Variants in CEACAM3 observed in about 807,000 individuals in gnomAD.
CEACAM3 encodes the protein CEA cell adhesion molecule 3.
Under a neutral mutation model 30.1 loss-of-function variants are expected in CEACAM3, and 32 were observed. The ratio of observed to expected loss-of-function variants is 1.06; its 90% confidence interval spans 0.80 to 1.43. CEACAM3 has a LOEUF of 1.43. Among genes scored for constraint, CEACAM3 ranks in the 40% most tolerant of loss-of-function variants. The pLI is 0.00. For missense variants in CEACAM3, 290 were observed against 316.3 expected (o/e 0.92, Z 0.63); for synonymous variants, 134 against 127.2 (o/e 1.05, Z -0.36).
chr19:41,807,491 C>T (rs1469099539), intron 2 of CEACAM3: 9 of 1,404,858 alleles, frequency 6.4e-6, no homozygotes, highest in African/African-American at 1.4e-5. Context: ...AGACTCTCAC[C>T]CAGGCTGGCC....
chr19:41,800,528 A>G (rs1426436180), intron 2 of CEACAM3, among the ~76,000 whole-genome samples: 8 of 152,246 alleles, frequency 5.3e-5, no homozygotes, highest in Admixed American at 1.3e-4. Flanking sequence ...CCGTCTCCCT[A>G]TGATGCTGTG....
chr19:41,801,907 C>T (rs976256498), intron 2 of CEACAM3, among the ~76,000 whole-genome samples: 6 of 152,160 alleles, frequency 3.9e-5, no homozygotes, highest in Non-Finnish European at 7.3e-5. Flanking sequence ...CGTAATGTTT[C>T]ATTAGTTTAC....
At chr19:41,800,971 G>A (rs537384624) in intron 2 of CEACAM3, among the ~76,000 whole-genome samples, 2 of 151,896 alleles carry the variant, frequency 1.3e-5, no homozygotes, top group African/African-American at 4.8e-5. Context: ...GAGACCCACC[G>A]ACCCTGTGGG....
At chr19:41,801,338 C>T (rs1384467968) in intron 2 of CEACAM3, among the ~76,000 whole-genome samples, 6 of 152,188 alleles carry the variant, frequency 3.9e-5, no homozygotes, top group South Asian at 2.1e-4. Flanking sequence ...ACCAGGAGAA[C>T]GAGCTTCCAC....
In CEACAM3 at chr19:41,809,696, T is replaced by A. The variant is rs2073232975; in HGVS notation, c.543-269T>A. On this transcript the variant is annotated intron_variant, in intron 3 of 6. Transcript: ENST00000357396. ...CTCGTGGTCTGTTTCCTTCCTTGGG[T>A]CCTCAGTCCCTTTCCTGGGTCCCTG... 7.9e-6 allele frequency: 3 copies of A among 378,144 alleles called. No individual in the cohort carries two copies. The South Asian group carries it at 1.2e-4, about 15-fold the overall frequency. The allele number at this position is 378,144 out of a possible 1,614,324, so 23.4% of individuals were successfully genotyped here. A position where few individuals can be genotyped will look rare whatever the true frequency, so the allele number is the denominator to read the frequency against.
chr19:41,796,851 C>CT, intron 1 of CEACAM3, 110 bp downstream of exon 1: 16 of 1,161,724 alleles, frequency 1.4e-5, no homozygotes, highest in Non-Finnish European at 1.9e-5. Flanking sequence ...CTGCTGAAGC[C>CT]TCAGGGGAGA....
Position 41,811,163 on chromosome 19 carries a change from T to C in CEACAM3, c.694-9T>C. The C allele has an allele frequency of 6.2e-7, 1 of 1,614,018 alleles. No homozygotes were observed. On this transcript the variant is annotated splice_polypyrimidine_tract_variant and intron_variant, in intron 6 of 6. Coordinates refer to ENST00000357396, the MANE Select transcript of CEACAM3 (RefSeq NM_001815.5). ...TAGAGGGGTCCAGGCCTCTTCTCTG[T>C]TTTAACAGGAATTGCTAAAACATGA...
chr19:41,810,063 G>GC (rs782651069), intron 4 of CEACAM3, 46 bp downstream of exon 4: 1 of 1,571,308 alleles, frequency 6.4e-7, no homozygotes, highest in South Asian at 1.1e-5. Flanking sequence ...CCCTAGGACA[G>GC]CCCCACAGTG....
intron 2 of CEACAM3, among the ~76,000 whole-genome samples, chr19:41,799,972 C>T (rs1447588238): frequency 1.3e-5 from 2 of 152,086 alleles, no homozygotes; most frequent in Admixed American, 1.3e-4. Context: ...TTTCAGGTCT[C>T]CCTGGTCCTG....
chr19:41,808,773 G>A, intron 2 of CEACAM3, 40 bp from the exon 3 acceptor site: 1 of 1,548,698 alleles, frequency 6.5e-7, no homozygotes, highest in Non-Finnish European at 8.9e-7. Flanking sequence ...CTCTGGGATA[G>A]ACTTGGGCCT....
At chr19:41,796,771 G>A in intron 1 of CEACAM3, 30 bp downstream of exon 1, 1 of 1,601,028 alleles carries the variant, frequency 6.2e-7, no homozygotes, top group Non-Finnish European at 8.5e-7. Context: ...GAGTGGGCAA[G>A]AGGAGGGATC....
At chr19:41,807,563 A>T in intron 2 of CEACAM3, 1 of 1,284,148 alleles carries the variant, frequency 7.8e-7, no homozygotes, top group Non-Finnish European at 1.0e-6. Flanking sequence ...AGGAGGGGAG[A>T]GGCTGCTCCT....
chr19:41,810,097 G>GGA, intron 4 of CEACAM3, 80 bp downstream of exon 4: 1 of 1,442,962 alleles, frequency 6.9e-7, no homozygotes, highest in Non-Finnish European at 9.7e-7. Flanking sequence ...GTCACTGCCA[G>GGA]GCAGACTCTG....
intron 4 of CEACAM3, 123 bp from the exon 5 acceptor site, chr19:41,810,200 C>A: frequency 7.3e-7 from 1 of 1,370,662 alleles, no homozygotes; most frequent in Non-Finnish European, 1.0e-6. Flanking sequence ...GGCTCTGGGT[C>A]ATGGGTCACC....
At chr19:41,805,657 A>T (rs2073192772) in intron 2 of CEACAM3, among the ~76,000 whole-genome samples, 1 of 152,182 alleles carries the variant, frequency 6.6e-6, no homozygotes, top group African/African-American at 2.4e-5. Context: ...ACCGTACAGT[A>T]GTTGTCCTTG....
chr19:41,800,532 T>G (rs542727215), intron 2 of CEACAM3, among the ~76,000 whole-genome samples: 6 of 152,302 alleles, frequency 3.9e-5, no homozygotes, highest in Admixed American at 6.5e-5. Flanking sequence ...CTCCCTATGA[T>G]GCTGTGCTTC....
chr19:41,807,044 T>C (rs2073207327), intron 2 of CEACAM3: 5 of 1,602,352 alleles, frequency 3.1e-6, no homozygotes, highest in Non-Finnish European at 4.3e-6. Context: ...TTGATTCTGA[T>C]TAAAATATGC....
rs1180575675 is a variant in CEACAM3, at chr19:41,807,036, G to A, written c.425-1777G>A. On this transcript the variant is annotated intron_variant, in intron 2 of 6. Coordinates refer to ENST00000357396, the MANE Select transcript of CEACAM3 (RefSeq NM_001815.5). ...AGTTGGCCAAAGAATAGGAGATGTT[G>A]ATTCTGATTAAAATATGCCTGTGGA... The A allele has an allele frequency of 1.9e-6, 3 of 1,597,648 alleles. No individual in the cohort carries two copies. The African/African-American group carries it at 4.0e-5, about 21-fold the overall frequency.
chr19:41,807,015 G>C, intron 2 of CEACAM3: 1 of 1,527,920 alleles, frequency 6.5e-7, no homozygotes, highest in Non-Finnish European at 8.9e-7. Context: ...GAGTGGAGTT[G>C]GCCAAAGAAT....
Sources: allele counts gnomAD v4.1 joint callset (sites outside exome capture counted in the v4.1 genomes callset), GRCh38; gene constraint gnomAD v4.1.1; transcripts MANE v1.5; gene names NCBI Gene and HGNC (gene_info 2026-07-23, HGNC 2026-07-21).